GUCY2F: variants seen among roughly 807,000 people sequenced by gnomAD.
The protein encoded by GUCY2F is retinal guanylyl cyclase 2.
GUCY2F carries 61 observed loss-of-function variants against 73.1 expected under a neutral mutation model. The ratio of observed to expected loss-of-function variants is 0.83; its 90% CI spans 0.68 to 1.03. GUCY2F has a LOEUF of 1.03. Among genes scored for constraint, GUCY2F ranks in the 50% least tolerant of loss-of-function variants. GUCY2F has a pLI of 0.00. For synonymous variants in GUCY2F, 331 were observed against 307.8 expected (o/e 1.08, Z -0.79); for missense variants, 912 against 854.3 (o/e 1.07, Z -0.84).
At chrX:109,384,175 G>A (rs1340391571) in intron 16 of GUCY2F, among the ~76,000 whole-genome samples, 2 of 111,949 alleles carry the variant, frequency 1.8e-5, no homozygotes, top group Admixed American at 1.9e-4. Flanking sequence ...ATGAGTGATG[G>A]GAAGTGGGGT....
intron 2 of GUCY2F, among the ~76,000 whole-genome samples, chrX:109,472,572 A>G (rs1218981248): frequency 1.8e-5 from 2 of 112,137 alleles, no homozygotes; most frequent in Admixed American, 1.9e-4. Flanking sequence ...CCAGCAGTTG[A>G]GAGGAGCTGG....
intron 11 of GUCY2F, among the ~76,000 whole-genome samples, chrX:109,396,828 C>T (rs1381521908): frequency 8.9e-6 from 1 of 112,374 alleles, no homozygotes; most frequent in Admixed American, 9.4e-5. Context: ...CAGCATCGTG[C>T]TCTCAGTACA....
chrX:109,415,137 A>T (rs1931211045), intron 8 of GUCY2F, among the ~76,000 whole-genome samples: 1 of 111,237 alleles, frequency 9.0e-6, no homozygotes, highest in African/African-American at 3.3e-5. Context: ...AGGTGCAAAA[A>T]AAGAATCTAA....
At chrX:109,400,469 C>T (rs1158490436) in intron 10 of GUCY2F, among the ~76,000 whole-genome samples, 3 of 111,624 alleles carry the variant, frequency 2.7e-5, no homozygotes, top group Non-Finnish European at 5.7e-5. Flanking sequence ...GTCCAAGAAA[C>T]AAAGTCCTAT....
At chrX:109,400,866 G>A (rs916320647) in intron 10 of GUCY2F, among the ~76,000 whole-genome samples, 9 of 112,165 alleles carry the variant, frequency 8.0e-5, no homozygotes, top group Admixed American at 3.8e-4. Flanking sequence ...TTATAGTTGC[G>A]GGATTTTAGG....
intron 8 of GUCY2F, among the ~76,000 whole-genome samples, chrX:109,427,887 G>A (rs1038103039): frequency 1.8e-4 from 20 of 111,827 alleles, no homozygotes; most frequent in African/African-American, 6.2e-4. Flanking sequence ...AAAAAGAAAC[G>A]GAATTAACAC....
intron 11 of GUCY2F, among the ~76,000 whole-genome samples, chrX:109,397,967 G>T (rs979293161): frequency 1.8e-5 from 2 of 110,863 alleles, no homozygotes; most frequent in African/African-American, 6.6e-5. Context: ...TTGATTGCTT[G>T]TTTAAGGTGG....
chrX:109,413,809 G>A (rs1386674613), intron 8 of GUCY2F, among the ~76,000 whole-genome samples: 3 of 111,369 alleles, frequency 2.7e-5, no homozygotes, highest in African/African-American at 6.5e-5. Context: ...TAATCTCTAC[G>A]TGTCCCTCTT....
chrX:109,385,040 T>G, intron 16 of GUCY2F, 144 bp downstream of exon 16: 1 of 388,105 alleles, frequency 2.6e-6, no homozygotes, highest in Non-Finnish European at 4.5e-6. Context: ...CCGTGATAAA[T>G]CTTAATCTTC....
At chrX:109,449,292 G>A (rs957089954) in intron 5 of GUCY2F, among the ~76,000 whole-genome samples, 1 of 112,200 alleles carries the variant, frequency 8.9e-6, no homozygotes, top group Non-Finnish European at 1.9e-5. Flanking sequence ...AACAATTAAC[G>A]TGTTTCTAAT....
At chrX:109,411,482 T>G in intron 8 of GUCY2F, among the ~76,000 whole-genome samples, 1 of 111,453 alleles carries the variant, frequency 9.0e-6, no homozygotes, top group Non-Finnish European at 1.9e-5. Flanking sequence ...AAATACTTGC[T>G]TAACTTTTAC....
At chrX:109,434,637 C>T (rs992709116) in intron 7 of GUCY2F, among the ~76,000 whole-genome samples, 17 of 109,821 alleles carry the variant, frequency 1.5e-4, no homozygotes, top group Non-Finnish European at 2.5e-4. Flanking sequence ...TTAATTAGAT[C>T]CCATTTGTCA....
At chrX:109,380,035 G>A (rs1405215293) in intron 17 of GUCY2F, among the ~76,000 whole-genome samples, 3 of 112,365 alleles carry the variant, frequency 2.7e-5, no homozygotes, top group Non-Finnish European at 3.8e-5. Context: ...GGGAAATAAC[G>A]TAAAGTGTCA....
intron 1 of GUCY2F, 60 bp from the exon 2 acceptor site, chrX:109,476,081 C>G: frequency 2.6e-6 from 1 of 391,595 alleles, no homozygotes; most frequent in Non-Finnish European, 4.0e-6. Flanking sequence ...TGGAAATCAT[C>G]GGTTGTGAAA....
intron 7 of GUCY2F, among the ~76,000 whole-genome samples, chrX:109,436,209 G>C (rs1456246445): frequency 8.9e-6 from 1 of 112,231 alleles, no homozygotes; most frequent in Non-Finnish European, 1.9e-5. Flanking sequence ...AGCCATCAGA[G>C]AAATGCAAAT....
intron 2 of GUCY2F, among the ~76,000 whole-genome samples, chrX:109,474,062 C>A (rs1932628923): frequency 1.8e-5 from 2 of 111,919 alleles, no homozygotes; most frequent in Non-Finnish European, 3.8e-5. Context: ...CTAAAAACTC[C>A]TCTTGCCCTC....
chrX:109,395,225 G>T, intron 12 of GUCY2F, 116 bp downstream of exon 12: 1 of 583,407 alleles, frequency 1.7e-6, no homozygotes, highest in Non-Finnish European at 2.8e-6. Context: ...CAAGAGGAGT[G>T]CCCTTACCCC....
intron 3 of GUCY2F, among the ~76,000 whole-genome samples, chrX:109,463,089 T>C (rs374216897): frequency 8.9e-6 from 1 of 111,848 alleles, no homozygotes; most frequent in East Asian, 2.8e-4. Flanking sequence ...AAATATTTGA[T>C]ATAAATCCTC....
At chrX:109,477,366 G>A (rs73530271) in intron 1 of GUCY2F, among the ~76,000 whole-genome samples, 90 of 111,735 alleles carry the variant, frequency 8.1e-4, no homozygotes, top group African/African-American at 2.7e-3. Context: ...GAAGGAGGTG[G>A]GAGAGACGAT....
Sources: allele counts gnomAD v4.1 joint callset (sites outside exome capture counted in the v4.1 genomes callset), GRCh38; gene constraint gnomAD v4.1.1; transcripts MANE v1.5; gene names NCBI Gene and HGNC (gene_info 2026-07-23, HGNC 2026-07-21).